Variants in MYOF observed in about 807,000 individuals in gnomAD.
The protein encoded by MYOF is myoferlin.
Under a neutral mutation model 284.2 loss-of-function variants are expected in MYOF, and 244 were observed. The ratio of observed to expected loss-of-function variants is 0.86; its 90% CI spans 0.77 to 0.95. The LOEUF is 0.95. Among genes scored for constraint, MYOF ranks in the 40% least tolerant of loss-of-function variants. MYOF has a pLI of 0.00. For synonymous variants in MYOF, 904 were observed against 919.7 expected (o/e 0.98, Z 0.31); for missense variants, 2,496 against 2,560.6 (o/e 0.97, Z 0.54).
At chr10:93,359,598 G>T (rs1244997678) in intron 29 of MYOF, among the ~76,000 whole-genome samples, 1 of 152,196 alleles carries the variant, frequency 6.6e-6, no homozygotes, top group Non-Finnish European at 1.5e-5. Flanking sequence ...AACTACAGAT[G>T]GCTGGGCCTG....
At chr10:93,466,813 A>G (rs1407485878) in intron 1 of MYOF, among the ~76,000 whole-genome samples, 2 of 152,128 alleles carry the variant, frequency 1.3e-5, no homozygotes, top group African/African-American at 2.4e-5. Flanking sequence ...ATCTCTACAA[A>G]AAATTTAAAA....
chr10:93,460,076 TG>T (rs1334395558), intron 1 of MYOF, among the ~76,000 whole-genome samples: 1 of 152,102 alleles, frequency 6.6e-6, no homozygotes, highest in Admixed American at 6.6e-5. Flanking sequence ...CACCCAGGCT[TG>T]GGGTAGGATT....
At chr10:93,325,687 T>C in intron 46 of MYOF, 139 bp downstream of exon 46, 1 of 1,145,394 alleles carries the variant, frequency 8.7e-7, no homozygotes, top group African/African-American at 1.6e-5. Context: ...TCCCTTTTGA[T>C]ATGACGCTAA....
intron 1 of MYOF, among the ~76,000 whole-genome samples, chr10:93,461,443 A>G (rs894462405): frequency 6.6e-6 from 1 of 152,122 alleles, no homozygotes; most frequent in African/African-American, 2.4e-5. Flanking sequence ...AAAGGACTTC[A>G]GTTGCTATCA....
At chr10:93,387,257 G>C (rs1485958219) in intron 19 of MYOF, among the ~76,000 whole-genome samples, 1 of 152,242 alleles carries the variant, frequency 6.6e-6, no homozygotes, top group Non-Finnish European at 1.5e-5. Context: ...ACCCAGCAAG[G>C]AGGGCCGCGG....
intron 3 of MYOF, among the ~76,000 whole-genome samples, chr10:93,439,202 G>C (rs1176078546): frequency 1.3e-5 from 2 of 152,316 alleles, no homozygotes; most frequent in East Asian, 3.9e-4. Context: ...GGTAACACCT[G>C]CAAAGGGCTG....
intron 19 of MYOF, 24 bp from the exon 20 acceptor site, chr10:93,381,420 G>A (rs1353687464): frequency 1.2e-6 from 2 of 1,611,544 alleles, no homozygotes; most frequent in East Asian, 4.5e-5. Flanking sequence ...GCAGACATAA[G>A]GTTCAGTGAA....
intron 48 of MYOF, among the ~76,000 whole-genome samples, chr10:93,322,473 G>A (rs375116426): frequency 1.4e-4 from 21 of 152,262 alleles, no homozygotes; most frequent in Middle Eastern, 6.8e-3. Flanking sequence ...TGTACTGCAC[G>A]CAACATCTAT....
intron 43 of MYOF, among the ~76,000 whole-genome samples, chr10:93,331,951 G>A (rs1843327346): frequency 6.6e-6 from 1 of 152,190 alleles, no homozygotes; most frequent in Non-Finnish European, 1.5e-5. Context: ...TTTTTCTACA[G>A]GTGATGGCTT....
chr10:93,395,067 GTC>G (rs1195412662), intron 16 of MYOF, among the ~76,000 whole-genome samples: 5 of 152,024 alleles, frequency 3.3e-5, no homozygotes, highest in Non-Finnish European at 7.4e-5. Flanking sequence ...TTGTCTCAAA[GTC>G]TCTCACTTTG....
intron 45 of MYOF, among the ~76,000 whole-genome samples, chr10:93,327,137 C>T (rs571111404): frequency 1.3e-5 from 2 of 152,186 alleles, no homozygotes; most frequent in South Asian, 2.1e-4. Flanking sequence ...GGGACACCAT[C>T]CACATGTAAG....
Position 93,347,930 on chromosome 10 carries a change from G to A in MYOF, c.4084-148C>T, listed in dbSNP as rs545210403. Reference sequence around the variant, plus strand: ...CAGTTACTCATGTGCCAGGCAAGGAGCTCCGTGCTTAAGAGCGTGAGCTGT... The same window carrying A: ...CAGTTACTCATGTGCCAGGCAAGGAACTCCGTGCTTAAGAGCGTGAGCTGT... On this transcript the variant is annotated intron_variant, in intron 36 of 53. Transcript: ENST00000359263. 1.0e-5 allele frequency: 8 copies of A among 793,992 alleles called. No individual in the cohort carries two copies. The East Asian group carries it at 2.5e-4, about 24-fold the overall frequency. 49.2% of individuals were successfully genotyped at this position (793,992 alleles called of 1,614,324 possible). A position where few individuals can be genotyped will look rare whatever the true frequency, so the allele number is the denominator to read the frequency against.
At chr10:93,390,061 C>T (rs981027456) in intron 17 of MYOF, among the ~76,000 whole-genome samples, 2 of 152,202 alleles carry the variant, frequency 1.3e-5, no homozygotes, top group African/African-American at 4.8e-5. Flanking sequence ...GAGGCAAAGG[C>T]TTCAGCCTAT....
chr10:93,419,515 A>G (rs1477503640), intron 5 of MYOF, among the ~76,000 whole-genome samples: 8 of 152,188 alleles, frequency 5.3e-5, no homozygotes, highest in African/African-American at 1.7e-4. Context: ...GTGCCCATCT[A>G]TCATTCACTC....
intron 19 of MYOF, among the ~76,000 whole-genome samples, chr10:93,383,442 G>A (rs944542386): frequency 2.0e-5 from 3 of 152,124 alleles, no homozygotes; most frequent in East Asian, 3.9e-4. Flanking sequence ...ACCTGAGGAA[G>A]CTTTGACGGG....
intron 36 of MYOF, among the ~76,000 whole-genome samples, chr10:93,349,236 C>T (rs1844387714): frequency 6.6e-6 from 1 of 152,150 alleles, no homozygotes; most frequent in Non-Finnish European, 1.5e-5. Context: ...ATTATGGGGT[C>T]TGTGATGGAG....
intron 1 of MYOF, among the ~76,000 whole-genome samples, chr10:93,469,981 C>T (rs189536728): frequency 6.6e-6 from 1 of 152,080 alleles, no homozygotes; most frequent in Admixed American, 6.6e-5. Context: ...GTAATCCCAG[C>T]ACTTTGGGAG....
At chr10:93,312,014 A>AT (rs1159305172) in intron 51 of MYOF, among the ~76,000 whole-genome samples, 1 of 152,190 alleles carries the variant, frequency 6.6e-6, no homozygotes, top group African/African-American at 2.4e-5. Flanking sequence ...GATCTTGATT[A>AT]TGGTTCAGTG....
intron 16 of MYOF, among the ~76,000 whole-genome samples, chr10:93,395,604 C>A (rs918022536): frequency 1.3e-5 from 2 of 150,992 alleles, no homozygotes; most frequent in Non-Finnish European, 2.9e-5. Context: ...TGGAAAACAA[C>A]AGAAAGAACA....
Sources: gnomAD v4.1 joint callset for allele counts (sites outside exome capture counted in the v4.1 genomes callset) on GRCh38, gnomAD v4.1.1 for gene constraint, MANE v1.5 for transcripts, NCBI Gene and HGNC (gene_info 2026-07-23, HGNC 2026-07-21) for gene names.